CKAP2L: variants seen among roughly 807,000 people sequenced by gnomAD.
The protein encoded by CKAP2L is cytoskeleton associated protein 2L, also known as cytoskeleton-associated protein 2-like.
CKAP2L carries 42 observed loss-of-function variants against 65.7 expected under a neutral mutation model. The observed-to-expected ratio is 0.64, with a 90% CI of 0.50 to 0.83. The LOEUF is 0.83. CKAP2L is among the 40% of genes least tolerant of loss of function. The pLI is 0.00. For synonymous variants in CKAP2L, 325 were observed against 313.5 expected (o/e 1.04, Z -0.39); for missense variants, 908 against 871.0 (o/e 1.04, Z -0.53).
At chr2:112,741,836 C>G (rs1679987995) in intron 7 of CKAP2L, among the ~76,000 whole-genome samples, 1 of 151,926 alleles carries the variant, frequency 6.6e-6, no homozygotes, top group Non-Finnish European at 1.5e-5. Context: ...TCTTCATTCA[C>G]TCCAAATTCC....
chr2:112,736,684 A>G lies in CKAP2L; in HGVS notation c.*2139T>C, dbSNP rs1235156509. On this transcript the variant is annotated 3_prime_UTR_variant, in exon 9 of 9. Transcript: ENST00000302450. ...AATTAAATATTCCATATGTGAGATC[A>G]TGCAGTATTTTTCCTTGGGTCTGGC... 1 of 152,216 alleles carries G rather than the reference A, an allele frequency of 6.6e-6. No homozygotes were observed. The highest frequency in any genetic ancestry group is 1.5e-5 in the Non-Finnish European group (1 of 68,044). The allele number at this position is 152,216 out of a possible 1,614,324, so 9.4% of individuals were successfully genotyped here.
rs10209160 is a variant in CKAP2L at position 112,738,208 on chromosome 2, T to C, written c.*615A>G. 144,679 of 152,290 alleles carry C rather than the reference T, an allele frequency of 0.95. 68,742 individuals carry two copies. Among genetic ancestry groups the C allele is most frequent in the East Asian group, 1 (5,191 of 5,192 alleles). 9.4% of individuals were successfully genotyped at this position (152,290 alleles called of 1,614,324 possible). ...TTTGAATATAAAAGCTAGACGACCA[T>C]GCCAATTCAGGATTGTGTTTCATCT... is the stretch of plus-strand genomic sequence containing the variant. On this transcript the variant is annotated 3_prime_UTR_variant, in exon 9 of 9. Coordinates refer to ENST00000302450, the MANE Select transcript of CKAP2L (RefSeq NM_152515.5).
chr2:112,742,652 G>T, intron 7 of CKAP2L, 54 bp downstream of exon 7: 1 of 1,163,714 alleles, frequency 8.6e-7, no homozygotes, highest in South Asian at 1.3e-5. Context: ...TGTCCTGGAT[G>T]ATTTTTACTG....
rs372868873 is a variant in CKAP2L, at chr2:112,760,763, G to A, written c.106C>T (p.Pro36Ser). Residue 36 changes from proline (P) to serine (S), a missense_variant and splice_region_variant, in exon 3 of 9, where the codon CCT (proline) becomes TCT (serine). Physicochemically the swap from Pro to Ser is moderately conservative, Grantham distance 74. Coordinates refer to ENST00000302450, the MANE Select transcript of CKAP2L (RefSeq NM_152515.5). ...KGKLKSQNTK[P>S]YLKSKNNCQN... ...CAATTATTCTTGGATTTTAGATAAG[G>A]CCTATAAAAGACAAATTAAAATTAA... 6.8e-7 allele frequency: 1 copy of A among 1,476,348 alleles called. No homozygotes were observed. Among genetic ancestry groups the A allele is most frequent in the Non-Finnish European group, 9.3e-7 (1 of 1,069,630 alleles). 91.5% of individuals were successfully genotyped at this position (1,476,348 alleles called of 1,614,324 possible). A position where few individuals can be genotyped will look rare whatever the true frequency, so the allele number is the denominator to read the frequency against.
chr2:112,747,632 A>AC (rs113871783), intron 5 of CKAP2L, among the ~76,000 whole-genome samples: 36 of 152,324 alleles, frequency 2.4e-4, no homozygotes, highest in African/African-American at 8.4e-4. Flanking sequence ...ACATGGACCC[A>AC]ACGAATGGGG....
chr2:112,762,573 C>T lies in CKAP2L; in HGVS notation c.38-4G>A, dbSNP rs1221336025. On this transcript the variant is annotated splice_polypyrimidine_tract_variant and splice_region_variant and intron_variant, in intron 1 of 8. Coordinates refer to ENST00000302450, the MANE Select transcript of CKAP2L (RefSeq NM_152515.5). ...TGAAGCTTTCTCTGCCGCTCTTCTG[C>T]AACACAGGCAAGCAAACAAACGACA... The T allele has an allele frequency of 6.2e-7, 1 of 1,611,894 alleles. No individual in the cohort carries two copies. Among genetic ancestry groups the T allele is most frequent in the East Asian group, 2.2e-5 (1 of 44,870 alleles).
At chr2:112,739,072 TA>T (rs747185471) in intron 8 of CKAP2L, 24 bp from the exon 9 acceptor site, 2 of 1,521,270 alleles carry the variant, frequency 1.3e-6, no homozygotes, top group Non-Finnish European at 1.8e-6. Flanking sequence ...AGAGATGCAT[TA>T]AAAACCTTAT....
intron 3 of CKAP2L, among the ~76,000 whole-genome samples, chr2:112,760,393 T>C (rs1269020574): frequency 1.3e-5 from 2 of 152,210 alleles, no homozygotes; most frequent in African/African-American, 2.4e-5. Context: ...CTACTAATAG[T>C]AGCCTCATAA....
rs188082706 is a variant in CKAP2L at position 112,758,719 on chromosome 2, A to G, written c.157-1505T>C. Among the ~76,000 whole-genome samples the G allele has an allele frequency of 1.1e-3, 175 of 152,322 alleles. 9 individuals are homozygous for G. The highest frequency in any genetic ancestry group is 6.8e-3 in the Middle Eastern group (2 of 294). On this transcript the variant is annotated intron_variant, in intron 3 of 8. Coordinates refer to ENST00000302450, the MANE Select transcript of CKAP2L (RefSeq NM_152515.5). ...TGTGTTTTTTTAGTTGCTTTCTTAT[A>G]TATTAAAAACAAATTGATATAATCC... is the stretch of plus-strand genomic sequence containing the variant.
At chr2:112,747,503 G>GT (rs1680238457) in intron 5 of CKAP2L, among the ~76,000 whole-genome samples, 1 of 152,214 alleles carries the variant, frequency 6.6e-6, no homozygotes, top group Non-Finnish European at 1.5e-5. Context: ...GTGTATATGT[G>GT]TAAGTGTCAG....
In CKAP2L at chr2:112,737,859, TAAAC is replaced by T. The variant is rs950912786; in HGVS notation, c.*960_*963del. 1.3e-5 allele frequency: 2 copies of T among 152,182 alleles called. No individual in the cohort carries two copies. Among genetic ancestry groups the T allele is most frequent in the African/African-American group, 4.8e-5 (2 of 41,446 alleles). 9.4% of individuals were successfully genotyped at this position (152,182 alleles called of 1,614,324 possible). On this transcript the variant is annotated 3_prime_UTR_variant, in exon 9 of 9. Transcript: ENST00000302450. ...TCATGGTTTTCTATAATAAATAAGA[TAAAC>T]AAGCAGGAACTAATAGAAATTTAAT...
chr2:112,762,930 T>G (rs887384457), intron 1 of CKAP2L, among the ~76,000 whole-genome samples: 1 of 152,038 alleles, frequency 6.6e-6, no homozygotes, highest in African/African-American at 2.4e-5. Context: ...AATACAGGCG[T>G]GTACCACCAT....
Position 112,762,533 on chromosome 2 carries a change from G to C in CKAP2L, c.74C>G (p.Ala25Gly). The C allele has an allele frequency of 6.2e-7, 1 of 1,613,962 alleles. No individual in the cohort carries two copies. Among genetic ancestry groups the C allele is most frequent in the Middle Eastern group, 1.6e-4 (1 of 6,062 alleles). ...GTTTTGGCTCTTCAGTTTTCCCTTG[G>C]CTGCAAGGTACTCCTGAAGCTTTCT... ...RQRKLQEYLA[A>G]KGKLKSQNTK... The change falls in exon 2 of 9, where the codon GCC becomes GGC. Residue 25 changes from alanine to glycine, a missense_variant. Ala to Gly is a moderately conservative substitution (Grantham distance 60). Coordinates refer to ENST00000302450, the MANE Select transcript of CKAP2L (RefSeq NM_152515.5).
chr2:112,752,243 G>T (rs763023421), intron 5 of CKAP2L, 24 bp downstream of exon 5: 1 of 1,561,208 alleles, frequency 6.4e-7, no homozygotes, highest in Non-Finnish European at 8.8e-7. Context: ...GCCAAAGCTG[G>T]AGGAGCTTAT....
At position 112,741,244 on chromosome 2, in the gene CKAP2L, C is replaced by T. The variant is rs1422943832; in HGVS notation, c.1823-237G>A. On this transcript the variant is annotated intron_variant, in intron 7 of 8. Coordinates refer to ENST00000302450, the MANE Select transcript of CKAP2L (RefSeq NM_152515.5). Reference sequence around the variant, plus strand: ...GTAGCCAGCCCCCGAGACTGCTGTACGTAGATTCTTGACACCCTTTCAAGA... The same window carrying T: ...GTAGCCAGCCCCCGAGACTGCTGTATGTAGATTCTTGACACCCTTTCAAGA... Among the ~76,000 whole-genome samples, 4 of 152,104 alleles carry T rather than the reference C, an allele frequency of 2.6e-5. No homozygotes were observed. The East Asian group carries it at 7.7e-4, about 29-fold the overall frequency.
Position 112,743,049 on chromosome 2 carries a change from T to C in CKAP2L, c.1759-280A>G, listed in dbSNP as rs116695276. ...GTCTACATCAAATTCTATTTTCCTA[T>C]TGATTTGTATAATACTGTCAAATAT... On this transcript the variant is annotated intron_variant, in intron 6 of 8. Coordinates refer to ENST00000302450, the MANE Select transcript of CKAP2L (RefSeq NM_152515.5). Among the ~76,000 whole-genome samples, 690 of 152,328 alleles carry C rather than the reference T, an allele frequency of 4.5e-3. 6 individuals are homozygous for C. The highest frequency in any genetic ancestry group is 0.016 in the African/African-American group (663 of 41,578).
At chr2:112,740,481 G>A (rs939626804) in intron 8 of CKAP2L, among the ~76,000 whole-genome samples, 3 of 152,142 alleles carry the variant, frequency 2.0e-5, no homozygotes, top group South Asian at 2.1e-4. Context: ...ACTGCTCTCC[G>A]TTCTTAGAGG....
At position 112,736,366 on chromosome 2, in the gene CKAP2L, T is replaced by C. The variant is rs1255626613; in HGVS notation, c.*2457A>G. On this transcript the variant is annotated 3_prime_UTR_variant, in exon 9 of 9. Transcript: ENST00000302450. ...TTCTTGCATTTTGGTGACAATTTTA[T>C]TTTATTAGGTATATTTAAGATTTAC... 6.6e-6 allele frequency among the ~76,000 whole-genome samples: 1 copy of C among 152,208 alleles called. No homozygotes were observed. Among genetic ancestry groups the C allele is most frequent in the Admixed American group, 6.5e-5 (1 of 15,284 alleles).
chr2:112,753,526 C>CTTTTTTTTTTTTTTT (rs59027525), intron 4 of CKAP2L, among the ~76,000 whole-genome samples: 1 of 100,376 alleles, frequency 1.0e-5, no homozygotes, highest in Non-Finnish European at 1.9e-5. Context: ...AGTTTCTTTT[C>CTTTTTTTTTTTTTTT]TTTTTTTTTT....
Sources: gnomAD v4.1 joint callset for allele counts (sites outside exome capture counted in the v4.1 genomes callset) on GRCh38, gnomAD v4.1.1 for gene constraint, MANE v1.5 for transcripts, NCBI Gene and HGNC (gene_info 2026-07-23, HGNC 2026-07-21) for gene names.